Variants in ARHGEF11 observed in about 807,000 individuals in gnomAD.
The protein encoded by ARHGEF11 is Rho guanine nucleotide exchange factor 11, also known as Rho guanine exchange factor (GEF) 11.
A neutral mutation model predicts 193.7 loss-of-function variants in ARHGEF11; 55 were observed. That is an observed-to-expected ratio of 0.28 (90% CI 0.23 to 0.36). The LOEUF (loss-of-function observed/expected upper bound fraction) is 0.36, where lower values mean the gene tolerates loss of function less well. Among genes scored for constraint, ARHGEF11 ranks in the 10% least tolerant of loss-of-function variants. ARHGEF11 has a pLI of 1.00. For missense variants in ARHGEF11, 1,723 were observed against 2,005.6 expected (o/e 0.86, Z 2.69); for synonymous variants, 693 against 768.0 (o/e 0.90, Z 1.62).
At chr1:156,970,487 C>A (rs181361959) in intron 8 of ARHGEF11, among the ~76,000 whole-genome samples, 7 of 152,210 alleles carry the variant, frequency 4.6e-5, no homozygotes, top group Non-Finnish European at 1.0e-4. Context: ...GTTGATAGTG[C>A]TTTGCTGTTT....
intron 1 of ARHGEF11, among the ~76,000 whole-genome samples, chr1:156,989,913 T>C (rs1406483415): frequency 1.3e-5 from 2 of 152,216 alleles, no homozygotes; most frequent in Admixed American, 6.5e-5. Flanking sequence ...TCATGACACT[T>C]TACCCCTATT....
chr1:157,040,430 C>T (rs1315767624), intron 1 of ARHGEF11, among the ~76,000 whole-genome samples: 1 of 152,176 alleles, frequency 6.6e-6, no homozygotes, highest in African/African-American at 2.4e-5. Flanking sequence ...TTAGGAAAGT[C>T]ATACGCTTTT....
At chr1:156,972,533 C>T (rs1434266301) in intron 7 of ARHGEF11, among the ~76,000 whole-genome samples, 1 of 152,192 alleles carries the variant, frequency 6.6e-6, no homozygotes, top group Admixed American at 6.5e-5. Flanking sequence ...TACATGGCAG[C>T]TATTAACATT....
At position 157,013,299 on chromosome 1, in the gene ARHGEF11, A is replaced by ACACACACACACC. The variant is rs534893600; in HGVS notation, c.33-27127_33-27126insGGTGTGTGTGTG. Among the ~76,000 whole-genome samples, 541 of 148,698 alleles carry ACACACACACACC rather than the reference A, an allele frequency of 3.6e-3. 4 individuals carry two copies. The highest frequency in any genetic ancestry group is 8.9e-3 in the South Asian group (40 of 4,492). ...CACACACACACACACACACACACAC[A>ACACACACACACC]CCAAGAACCTTCTCCGGTGGGTGGG... On this transcript the variant is annotated intron_variant, in intron 1 of 40. Coordinates refer to ENST00000368194, the MANE Select transcript of ARHGEF11 (RefSeq NM_198236.3).
intron 35 of ARHGEF11, 91 bp downstream of exon 35, chr1:156,941,281 G>A: frequency 8.2e-7 from 1 of 1,221,786 alleles, no homozygotes; most frequent in Non-Finnish European, 1.2e-6. Flanking sequence ...GGGCCCTGAT[G>A]GACTCTCCCA....
At position 156,937,448 on chromosome 1, in the gene ARHGEF11, G is replaced by C; in HGVS notation, c.4241C>G (p.Thr1414Ser). 6.4e-7 allele frequency: 1 copy of C among 1,555,474 alleles called. No homozygotes were observed. Among genetic ancestry groups the C allele is most frequent in the Non-Finnish European group, 8.7e-7 (1 of 1,154,018 alleles). Reference sequence around the variant, plus strand: ...GCTCATGGGTGCCTCTGAGTGGTCGGTGCTTGAGTCCGGGGGTCCTGATGG... The same window carrying C: ...GCTCATGGGTGCCTCTGAGTGGTCGCTGCTTGAGTCCGGGGGTCCTGATGG... ...SMPSGPPDSS[T>S]DHSEAPMSPP... is the part of the protein sequence containing the mutation. The change falls in exon 39 of 41, where the codon ACC (threonine) becomes AGC (serine). Residue 1414 changes from threonine to serine, a missense_variant. Around this residue, in one of 5 missense-constraint regions of ARHGEF11, gnomAD observed 360 missense variants for 344.4 expected, o/e 1.05. Coordinates refer to ENST00000368194, the MANE Select transcript of ARHGEF11 (RefSeq NM_198236.3).
intron 38 of ARHGEF11, among the ~76,000 whole-genome samples, 188 bp from the exon 39 acceptor site, chr1:156,937,684 A>G (rs754742303): frequency 6.6e-6 from 1 of 152,164 alleles, no homozygotes; most frequent in Non-Finnish European, 1.5e-5. Flanking sequence ...GAGACCTTCT[A>G]GATGACACTT....
At position 157,001,346 on chromosome 1, in the gene ARHGEF11, CAGA is replaced by C. The variant is rs151257117; in HGVS notation, c.33-15176_33-15174del. ...TATACATAGTTGGCTAGGATGCTGA[CAGA>C]AGGCCAGCCAAGAGAAAATCAGAGT... On this transcript the variant is annotated intron_variant, in intron 1 of 40. Transcript: ENST00000368194. Among the ~76,000 whole-genome samples, 1,196 of 152,280 alleles carry C rather than the reference CAGA, an allele frequency of 7.9e-3. 14 individuals carry two copies. The highest frequency in any genetic ancestry group is 0.026 in the African/African-American group (1,074 of 41,560).
At chr1:156,959,924 A>ACCCCCC (rs752001490) in intron 15 of ARHGEF11, among the ~76,000 whole-genome samples, 3 of 77,062 alleles carry the variant, frequency 3.9e-5, no homozygotes, top group African/African-American at 1.1e-4. Flanking sequence ...AACAAAAATA[A>ACCCCCC]CCCCCCCTCC....
intron 21 of ARHGEF11, among the ~76,000 whole-genome samples, chr1:156,954,338 C>T (rs191348314): frequency 7.7e-6 from 1 of 130,534 alleles, no homozygotes; most frequent in East Asian, 2.3e-4. Context: ...CAAGATCACA[C>T]CACTGCAGTC....
chr1:156,978,076 T>A, intron 6 of ARHGEF11, 128 bp downstream of exon 6: 1 of 1,388,486 alleles, frequency 7.2e-7, no homozygotes, highest in Non-Finnish European at 9.7e-7. Flanking sequence ...CTTTCAATGG[T>A]CTTTCATATG....
rs757685034 is a variant in ARHGEF11 at position 156,961,790 on chromosome 1, A to G, written c.1141-15T>C. On this transcript the variant is annotated splice_polypyrimidine_tract_variant and intron_variant, in intron 13 of 40. Transcript: ENST00000368194. ...AGGTAAAAAAGCTAGGAGGAGAGAG[A>G]ACTGGGTTAGAGCAGTGGTTCTCCC... 6.2e-7 allele frequency: 1 copy of G among 1,612,542 alleles called. No homozygotes were observed. Among genetic ancestry groups the G allele is most frequent in the Non-Finnish European group, 8.5e-7 (1 of 1,178,578 alleles).
intron 1 of ARHGEF11, among the ~76,000 whole-genome samples, chr1:157,027,224 A>G (rs1670753352): frequency 1.3e-5 from 2 of 152,120 alleles, no homozygotes; most frequent in Non-Finnish European, 1.5e-5. Flanking sequence ...TCTACAAAAC[A>G]TACAAAAATT....
At chr1:156,979,585 C>T (rs1394304920) in intron 4 of ARHGEF11, among the ~76,000 whole-genome samples, 4 of 152,176 alleles carry the variant, frequency 2.6e-5, no homozygotes, top group Non-Finnish European at 4.4e-5. Flanking sequence ...AGGATGGTCT[C>T]GATCTCCTGA....
intron 1 of ARHGEF11, among the ~76,000 whole-genome samples, chr1:157,014,695 C>T (rs1356550762): frequency 1.3e-5 from 2 of 152,168 alleles, no homozygotes; most frequent in South Asian, 4.1e-4. Flanking sequence ...TGGCTTCTGC[C>T]TCTAGAACTC....
intron 1 of ARHGEF11, among the ~76,000 whole-genome samples, chr1:157,004,892 G>A (rs910441438): frequency 6.6e-6 from 1 of 152,132 alleles, no homozygotes; most frequent in African/African-American, 2.4e-5. Flanking sequence ...CTCCAGAAAG[G>A]GAGAGCCTTG....
chr1:157,022,336 A>T (rs1330516660), intron 1 of ARHGEF11, among the ~76,000 whole-genome samples: 1 of 152,254 alleles, frequency 6.6e-6, no homozygotes, highest in Non-Finnish European at 1.5e-5. Flanking sequence ...AGGTTGCAGG[A>T]TGCAAGATCA....
intron 1 of ARHGEF11, among the ~76,000 whole-genome samples, chr1:156,998,138 C>T (rs192756518): frequency 1.5e-3 from 226 of 152,266 alleles, no homozygotes; most frequent in African/African-American, 5.2e-3. Context: ...ACTGTGAGTC[C>T]TAGAGTAAAG....
chr1:157,046,841 C>CG (rs1208335468), upstream of ARHGEF11, among the ~76,000 whole-genome samples: 2 of 151,588 alleles, frequency 1.3e-5, no homozygotes, highest in Middle Eastern at 3.2e-3. Context: ...GAAACCCCCC[C>CG]CCTCTACTAA....
Sources: allele counts gnomAD v4.1 joint callset (sites outside exome capture counted in the v4.1 genomes callset), GRCh38; gene constraint gnomAD v4.1.1; regional missense constraint gnomAD v4.1.1; transcripts MANE v1.5; gene names NCBI Gene and HGNC (gene_info 2026-07-23, HGNC 2026-07-21).